SRD5A1: variants seen among roughly 807,000 people sequenced by gnomAD.
The protein encoded by SRD5A1 is 3-oxo-5-alpha-steroid 4-dehydrogenase 1.
Under a neutral mutation model 28.2 loss-of-function variants are expected in SRD5A1, and 22 were observed. That is an observed-to-expected ratio of 0.78 (90% confidence interval 0.56 to 1.12). The LOEUF (loss-of-function observed/expected upper bound fraction) is 1.12, where lower values mean the gene tolerates loss of function less well. Among genes scored for constraint, SRD5A1 ranks in the 50% most tolerant of loss-of-function variants. The pLI is 0.00. For synonymous variants in SRD5A1, 151 were observed against 135.0 expected (o/e 1.12, Z -0.82); for missense variants, 300 against 346.7 (o/e 0.87, Z 1.07).
rs8192132 is a variant in SRD5A1, at chr5:6,636,439, A to G, written c.293+2570A>G. On this transcript the variant is annotated intron_variant, in intron 1 of 4. Coordinates refer to ENST00000274192, the MANE Select transcript of SRD5A1 (RefSeq NM_001047.4). ...GAGGAGGCGCTGGCCAGGCAGAGCC[A>G]GTACCACCTTACACAACCTGACAGG... Among the ~76,000 whole-genome samples the G allele has an allele frequency of 4.8e-4, 73 of 152,360 alleles. 2 individuals are homozygous for G. Among genetic ancestry groups the G allele is most frequent in the South Asian group, 1.7e-3 (8 of 4,832 alleles).
rs1256011550 is a variant in SRD5A1 at position 6,671,519 on chromosome 5, C to T, written c.*3251C>T. 1 of 152,088 alleles carries T rather than the reference C, an allele frequency of 6.6e-6. No individual in the cohort carries two copies. Among genetic ancestry groups the T allele is most frequent in the East Asian group, 1.9e-4 (1 of 5,194 alleles). The allele number at this position is 152,088 out of a possible 1,614,324, so 9.4% of individuals were successfully genotyped here. A position where few individuals can be genotyped will look rare whatever the true frequency, so the allele number is the denominator to read the frequency against. ...AAAGCTCTTTAGTTTAATTAAGTCC[C>T]ATCTATTTATCTTTGTTTTTATTGT... On this transcript the variant is annotated 3_prime_UTR_variant, in exon 5 of 5. Coordinates refer to ENST00000274192, the MANE Select transcript of SRD5A1 (RefSeq NM_001047.4).
At chr5:6,640,308 A>C (rs1738322598) in intron 1 of SRD5A1, among the ~76,000 whole-genome samples, 1 of 152,236 alleles carries the variant, frequency 6.6e-6, no homozygotes, top group Admixed American at 6.5e-5. Flanking sequence ...TTGATAAGGA[A>C]CTATAAGATG....
intron 1 of SRD5A1, among the ~76,000 whole-genome samples, 180 bp downstream of exon 1, chr5:6,634,049 G>A (rs1275226740): frequency 6.6e-6 from 1 of 152,222 alleles, no homozygotes; most frequent in Non-Finnish European, 1.5e-5. Flanking sequence ...CCCCGGCCCC[G>A]GGAGTTTGGA....
At chr5:6,666,499 T>A (rs1691102587) in intron 4 of SRD5A1, among the ~76,000 whole-genome samples, 2 of 152,210 alleles carry the variant, frequency 1.3e-5, no homozygotes, top group South Asian at 4.1e-4. Context: ...CTTTCTATAA[T>A]AATCAGTATT....
Position 6,668,679 on chromosome 5 carries a change from C to T in SRD5A1, c.*411C>T, listed in dbSNP as rs914712487. 1.9e-5 allele frequency: 3 copies of T among 153,912 alleles called. No individual in the cohort carries two copies. Among genetic ancestry groups the T allele is most frequent in the African/African-American group, 7.2e-5 (3 of 41,478 alleles). 9.5% of individuals were successfully genotyped at this position (153,912 alleles called of 1,614,324 possible). ...TCAAGGTCAACTGCAGTGTTGCTTC[C>T]CTCCCCCTATAGGGCTGGAATCTGT... is the stretch of plus-strand genomic sequence containing the variant. On this transcript the variant is annotated 3_prime_UTR_variant, in exon 5 of 5. Coordinates refer to ENST00000274192, the MANE Select transcript of SRD5A1 (RefSeq NM_001047.4).
chr5:6,655,697 C>T (rs1201338336), intron 2 of SRD5A1, among the ~76,000 whole-genome samples: 1 of 152,210 alleles, frequency 6.6e-6, no homozygotes, highest in African/African-American at 2.4e-5. Flanking sequence ...GAGATGGCAG[C>T]ATTGCCTCAT....
At chr5:6,660,512 T>C (rs1323919416) in intron 3 of SRD5A1, among the ~76,000 whole-genome samples, 2 of 152,116 alleles carry the variant, frequency 1.3e-5, no homozygotes, top group South Asian at 4.1e-4. Flanking sequence ...CGTAATCTTG[T>C]AGAAAGTTGA....
chr5:6,654,918 A>G (rs1425959274), intron 2 of SRD5A1, among the ~76,000 whole-genome samples: 1 of 152,240 alleles, frequency 6.6e-6, no homozygotes, highest in Non-Finnish European at 1.5e-5. Flanking sequence ...TAGGGGTGAA[A>G]TACTAAAATC....
In SRD5A1 at chr5:6,670,578, A is replaced by C. The variant is rs1739330093; in HGVS notation, c.*2310A>C. On this transcript the variant is annotated 3_prime_UTR_variant, in exon 5 of 5. Transcript: ENST00000274192. Reference sequence around the variant, plus strand: ...ATTCAACAACATTTGCCAAGCACTTACTGTATATCAAGCACAGCAGTGGGT... The same window carrying C: ...ATTCAACAACATTTGCCAAGCACTTCCTGTATATCAAGCACAGCAGTGGGT... 1 of 152,260 alleles carries C rather than the reference A, an allele frequency of 6.6e-6. No homozygotes were observed. The highest frequency in any genetic ancestry group is 2.4e-5 in the African/African-American group (1 of 41,462). The allele number at this position is 152,260 out of a possible 1,614,324, so 9.4% of individuals were successfully genotyped here.
Position 6,633,778 on chromosome 5 carries a change from C to G in SRD5A1, c.202C>G (p.Leu68Val). Residue 68 changes from leucine (L) to valine (V), a missense_variant, in exon 1 of 5, where the codon CTC becomes GTC. This residue lies in a region of SRD5A1 where 174 missense variants were observed against 160.9 expected (regional missense o/e 1.08). Transcript: ENST00000274192. ...GGAGCTGCCCTCGCTGGCCCTGCCG[C>G]TCTACCAGTACGCCAGCGAGTCCGC... ...VQELPSLALP[L>V]YQYASESAPR... 1 of 1,597,774 alleles carries G rather than the reference C, an allele frequency of 6.3e-7. No individual in the cohort carries two copies. The highest frequency in any genetic ancestry group is 8.5e-7 in the Non-Finnish European group (1 of 1,179,644).
intron 1 of SRD5A1, among the ~76,000 whole-genome samples, chr5:6,635,426 T>C (rs1738154324): frequency 6.6e-6 from 1 of 152,244 alleles, no homozygotes; most frequent in Admixed American, 6.5e-5. Flanking sequence ...TGTTTCTTTA[T>C]GGCTAAAAGC....
intron 2 of SRD5A1, 116 bp downstream of exon 2, chr5:6,652,124 AAGC>A: frequency 8.2e-7 from 1 of 1,216,528 alleles, no homozygotes; most frequent in Non-Finnish European, 1.1e-6. Flanking sequence ...ACAACAGAGA[AAGC>A]AGCAGCACCC....
In SRD5A1 at chr5:6,633,783, C is replaced by A; in HGVS notation, c.207C>A (p.Tyr69Ter). 1 of 1,597,808 alleles carries A rather than the reference C, an allele frequency of 6.3e-7. No individual in the cohort carries two copies. Among genetic ancestry groups the A allele is most frequent in the Non-Finnish European group, 8.5e-7 (1 of 1,179,660 alleles). The change falls in exon 1 of 5, where the codon TAC (tyrosine) becomes TAA (stop). Residue 69 changes from tyrosine to a stop codon, truncating the protein, a stop_gained. Coordinates refer to ENST00000274192, the MANE Select transcript of SRD5A1 (RefSeq NM_001047.4). LOFTEE classifies it high-confidence loss of function. ...TGCCCTCGCTGGCCCTGCCGCTCTA[C>A]CAGTACGCCAGCGAGTCCGCCCCGC... The part of the protein sequence containing the change: ...QELPSLALPL[Y>*]QYASESAPRL...
At chr5:6,645,672 A>G (rs1738489103) in intron 1 of SRD5A1, among the ~76,000 whole-genome samples, 1 of 151,614 alleles carries the variant, frequency 6.6e-6, no homozygotes, top group Non-Finnish European at 1.5e-5. Context: ...AGCTTGATGA[A>G]TTTTGGTGAT....
At chr5:6,650,484 A>G (rs992602689) in intron 1 of SRD5A1, among the ~76,000 whole-genome samples, 1 of 151,968 alleles carries the variant, frequency 6.6e-6, no homozygotes, top group African/African-American at 2.4e-5. Flanking sequence ...CCCTCTTTCA[A>G]TGTGTTATAC....
In SRD5A1 at chr5:6,633,542, C is replaced by T. The variant is rs1738046431; in HGVS notation, c.-35C>T. On this transcript the variant is annotated 5_prime_UTR_variant, in exon 1 of 5. Transcript: ENST00000274192. ...CGCCCTATATGTTGCCCGCCGCGGC[C>T]TCTGGGGCATGGAGCACGCTGCCCA... is the stretch of plus-strand genomic sequence containing the variant. The T allele has an allele frequency of 4.1e-6, 6 of 1,455,948 alleles. No homozygotes were observed. Among genetic ancestry groups the T allele is most frequent in the Non-Finnish European group, 5.4e-6 (6 of 1,112,654 alleles). 90.2% of individuals were successfully genotyped at this position (1,455,948 alleles called of 1,614,324 possible).
intron 2 of SRD5A1, among the ~76,000 whole-genome samples, chr5:6,652,873 C>CAAAAAAA (rs11343625): frequency 2.1e-5 from 2 of 95,142 alleles, no homozygotes; most frequent in Non-Finnish European, 2.1e-5. Flanking sequence ...GACTCTGTCT[C>CAAAAAAA]AAAAAAAAAA....
chr5:6,666,248 C>A (rs760261570), intron 4 of SRD5A1, among the ~76,000 whole-genome samples: 1 of 151,960 alleles, frequency 6.6e-6, no homozygotes, highest in Non-Finnish European at 1.5e-5. Context: ...CCCAGGTTCA[C>A]GCCATTCTCC....
intron 1 of SRD5A1, among the ~76,000 whole-genome samples, chr5:6,645,761 T>C (rs1017212219): frequency 6.6e-6 from 1 of 152,196 alleles, no homozygotes; most frequent in South Asian, 2.1e-4. Flanking sequence ...CTTTGTGTCA[T>C]TGTGGCCAGT....
Sources: allele counts gnomAD v4.1 joint callset (sites outside exome capture counted in the v4.1 genomes callset), GRCh38; gene constraint gnomAD v4.1.1; regional missense constraint gnomAD v4.1.1; transcripts MANE v1.5; gene names NCBI Gene and HGNC (gene_info 2026-07-23, HGNC 2026-07-21).